Variants in MICALL2 observed in about 807,000 individuals in gnomAD.
The protein encoded by MICALL2 is MICAL like 2.
MICALL2 carries 111 observed loss-of-function variants against 91.1 expected under a neutral mutation model. That is an observed-to-expected ratio of 1.22 (90% CI 1.04 to 1.43). The LOEUF is 1.43. Among genes scored for constraint, MICALL2 ranks in the 40% most tolerant of loss-of-function variants. The pLI, the probability that MICALL2 is intolerant of heterozygous loss-of-function variation, is 0.00. For synonymous variants in MICALL2, 694 were observed against 525.3 expected, an observed-to-expected ratio of 1.32 and a Z score of -4.39; for missense variants, 1,556 against 1,236.0, an observed-to-expected ratio of 1.26 and a Z score of -3.88.
rs1584211646 is a variant in MICALL2 at position 1,442,479 on chromosome 7, G to A, written c.1424C>T (p.Ser475Phe). ...ACTGGGAACAGCGGCAGTGGCTGGGGAGGGCCTATAAGTAAAAGCGCAGGC... is the reference window on the plus strand; with the variant it reads ...ACTGGGAACAGCGGCAGTGGCTGGGAAGGGCCTATAAGTAAAAGCGCAGGC... ...EAGAPAPGRPSPATAAVPSSQ... is the reference protein window; with the variant it reads ...EAGAPAPGRPFPATAAVPSSQ... The change falls in exon 7 of 17, where the codon TCC becomes TTC. Residue 475 changes from serine (S) to phenylalanine (F), a missense_variant. By Grantham distance (155) the Ser-to-Phe change is radical. Coordinates refer to ENST00000297508, the MANE Select transcript of MICALL2 (RefSeq NM_182924.4). 2 of 1,530,206 alleles carry A rather than the reference G, an allele frequency of 1.3e-6. No homozygotes were observed. Among genetic ancestry groups the A allele is most frequent in the Non-Finnish European group, 8.8e-7 (1 of 1,138,118 alleles). The allele number at this position is 1,530,206 out of a possible 1,614,324, so 94.8% of individuals were successfully genotyped here. A position where few individuals can be genotyped will look rare whatever the true frequency, so the allele number is the denominator to read the frequency against.
rs117418399 is a variant in MICALL2, at chr7:1,450,465, C to T, written c.144-177G>A. 4,098 of 616,568 alleles carry T rather than the reference C, an allele frequency of 6.6e-3. 24 individuals are homozygous for T. Among genetic ancestry groups the T allele is most frequent in the Non-Finnish European group, 7.3e-3 (2,471 of 336,450 alleles). 38.2% of individuals were successfully genotyped at this position (616,568 alleles called of 1,614,324 possible). ...GAGGCCAGGGCTCCCGGCCCTGCTCCGGCCACGGTGATGCTGCTGGGACCG... is the reference window on the plus strand; with the variant it reads ...GAGGCCAGGGCTCCCGGCCCTGCTCTGGCCACGGTGATGCTGCTGGGACCG... On this transcript the variant is annotated intron_variant, in intron 1 of 16. Coordinates refer to ENST00000297508, the MANE Select transcript of MICALL2 (RefSeq NM_182924.4).
intron 13 of MICALL2, 90 bp downstream of exon 13, chr7:1,437,800 C>T (rs976823459): frequency 7.5e-7 from 1 of 1,333,500 alleles, no homozygotes; most frequent in African/African-American, 1.5e-5. Flanking sequence ...GCATCTGAGG[C>T]CTGACTCTGC....
In MICALL2 at chr7:1,439,754, A is replaced by G. The variant is rs530616318; in HGVS notation, c.1966+171T>C. The G allele has an allele frequency of 8.2e-6, 4 of 485,386 alleles. No individual in the cohort carries two copies. In the South Asian group the frequency reaches 1.9e-4, roughly 24 times the overall value. The allele number at this position is 485,386 out of a possible 1,614,324, so 30.1% of individuals were successfully genotyped here. A position where few individuals can be genotyped will look rare whatever the true frequency, so the allele number is the denominator to read the frequency against. On this transcript the variant is annotated intron_variant, in intron 9 of 16. Transcript: ENST00000297508. ...ACACATGCACACATGCATCACACAC[A>G]TGCACACATGTACACACAAGCCTGC...
intron 7 of MICALL2, chr7:1,441,866 A>G: frequency 2.7e-6 from 1 of 375,270 alleles, no homozygotes; most frequent in South Asian, 3.6e-5. Context: ...CGGCCAAGCC[A>G]GGCCACTGCT....
At chr7:1,448,875 T>C in intron 2 of MICALL2, 114 bp from the exon 3 acceptor site, 2 of 1,321,616 alleles carry the variant, frequency 1.5e-6, no homozygotes, top group East Asian at 2.4e-5. Flanking sequence ...AGGCGTGGGT[T>C]GGAGGCCGGA....
intron 5 of MICALL2, among the ~76,000 whole-genome samples, chr7:1,445,749 C>G (rs1306411209): frequency 6.6e-6 from 1 of 152,208 alleles, no homozygotes; most frequent in African/African-American, 2.4e-5. Flanking sequence ...CACACACCCA[C>G]AGGCCACCCC....
intron 1 of MICALL2, among the ~76,000 whole-genome samples, chr7:1,456,614 A>T (rs1018035619): frequency 6.2e-4 from 95 of 152,020 alleles, no homozygotes; most frequent in Non-Finnish European, 1.1e-3. Context: ...ATAAATAGAT[A>T]AAATTAAATT....
chr7:1,455,969 G>C (rs918238264), intron 1 of MICALL2, among the ~76,000 whole-genome samples: 16 of 151,892 alleles, frequency 1.1e-4, no homozygotes, highest in African/African-American at 3.9e-4. Context: ...CCTCACACGC[G>C]TTTCCTCCCT....
chr7:1,450,019 G>A (rs778731883), intron 2 of MICALL2, among the ~76,000 whole-genome samples: 1 of 152,230 alleles, frequency 6.6e-6, no homozygotes, highest in Non-Finnish European at 1.5e-5. Flanking sequence ...GGAAAAGAGG[G>A]GACCAGTATG....
At chr7:1,449,591 G>C (rs895695744) in intron 2 of MICALL2, among the ~76,000 whole-genome samples, 1 of 152,258 alleles carries the variant, frequency 6.6e-6, no homozygotes, top group African/African-American at 2.4e-5. Flanking sequence ...GGCAGTGCCG[G>C]CCGGGCAGGT....
intron 9 of MICALL2, chr7:1,439,395 A>T (rs1196620274): frequency 9.6e-6 from 2 of 207,426 alleles, no homozygotes; most frequent in East Asian, 1.1e-4. Flanking sequence ...TGCACCACAT[A>T]CATGAACACG....
intron 1 of MICALL2, 159 bp from the exon 2 acceptor site, chr7:1,450,447 G>C (rs1780785031): frequency 4.5e-6 from 3 of 663,824 alleles, no homozygotes; most frequent in Non-Finnish European, 8.2e-6. Context: ...GCAGAGGCCA[G>C]GGCTCCCGGC....
chr7:1,450,349 G>T, intron 1 of MICALL2, 61 bp from the exon 2 acceptor site: 2 of 1,388,294 alleles, frequency 1.4e-6, no homozygotes, highest in South Asian at 2.3e-5. Context: ...GGGGCTGGAG[G>T]GCCTCAGAGG....
intron 10 of MICALL2, 160 bp downstream of exon 10, chr7:1,438,680 G>A (rs1378068235): frequency 4.8e-6 from 7 of 1,455,318 alleles, no homozygotes; most frequent in South Asian, 1.4e-5. Flanking sequence ...CTCTATTCAT[G>A]AGGGCGGGCC....
rs1187896165 is a variant in MICALL2, at chr7:1,459,334, GCGCGCCCGC to G, written c.-17_-9del. 6.6e-7 allele frequency: 1 copy of G among 1,517,142 alleles called. No homozygotes were observed. The highest frequency in any genetic ancestry group is 2.8e-5 in the East Asian group (1 of 36,220). The allele number at this position is 1,517,142 out of a possible 1,614,324, so 94.0% of individuals were successfully genotyped here. ...CGCCCTGATGGCCGCCATGTGGGCG[GCGCGCCCGC>G]CGCGCGGCGGAACCGCCCTCCGACA... On this transcript the variant is annotated 5_prime_UTR_variant, in exon 1 of 17. Coordinates refer to ENST00000297508, the MANE Select transcript of MICALL2 (RefSeq NM_182924.4).
chr7:1,434,797 G>T, intron 16 of MICALL2, 125 bp from the exon 17 acceptor site: 2 of 1,044,932 alleles, frequency 1.9e-6, no homozygotes, highest in Non-Finnish European at 2.7e-6. Context: ...GGGCCTCCGA[G>T]CCTGCAGGAA....
In MICALL2 at chr7:1,459,329, G is replaced by C. The variant is rs765923248; in HGVS notation, c.-3C>G. 6.6e-7 allele frequency: 1 copy of C among 1,525,924 alleles called. No individual in the cohort carries two copies. The highest frequency in any genetic ancestry group is 1.2e-5 in the South Asian group (1 of 81,474). The allele number at this position is 1,525,924 out of a possible 1,614,324, so 94.5% of individuals were successfully genotyped here. A position where few individuals can be genotyped will look rare whatever the true frequency, so the allele number is the denominator to read the frequency against. On this transcript the variant is annotated 5_prime_UTR_variant, in exon 1 of 17. Transcript: ENST00000297508. ...TGCAGCGCCCTGATGGCCGCCATGT[G>C]GGCGGCGCGCCCGCCGCGCGGCGGA...
chr7:1,444,439 A>T (rs909282945), intron 6 of MICALL2, among the ~76,000 whole-genome samples: 11 of 152,196 alleles, frequency 7.2e-5, no homozygotes, highest in African/African-American at 2.6e-4. Flanking sequence ...CAGCTTTTCC[A>T]TAAGGACCCG....
chr7:1,434,668 GAGGCCT>G lies in MICALL2; in HGVS notation c.2639-2_2642del. 1.3e-6 allele frequency: 2 copies of G among 1,558,860 alleles called. No homozygotes were observed. The highest frequency in any genetic ancestry group is 1.7e-6 in the Non-Finnish European group (2 of 1,156,460). On this transcript the variant is annotated splice_acceptor_variant and coding_sequence_variant, in exon 17 of 17. Coordinates refer to ENST00000297508, the MANE Select transcript of MICALL2 (RefSeq NM_182924.4). LOFTEE classifies it high-confidence loss of function. ...AGCGGAACTTGGACTTCTTCCTCTG[GAGGCCT>G]AGGGGACAGGTGGACAGTGAGGCCG...
Sources: gnomAD v4.1 joint callset for allele counts (sites outside exome capture counted in the v4.1 genomes callset) on GRCh38, gnomAD v4.1.1 for gene constraint, MANE v1.5 for transcripts, NCBI Gene and HGNC (gene_info 2026-07-23, HGNC 2026-07-21) for gene names.